The following QTMAN variants were observed in gnomAD, a reference collection of about 807,000 sequenced individuals.
QTMAN encodes tRNA-queuosine alpha-mannosyltransferase.
the QTMAN span, among the ~76,000 whole-genome samples, chr2:144,212,154 T>G: frequency 6.6e-6 from 1 of 152,158 alleles, no homozygotes; most frequent in Non-Finnish European, 1.5e-5. Flanking sequence ...TATGAAACAT[T>G]TAAACTGATC....
the QTMAN span, among the ~76,000 whole-genome samples, chr2:144,326,996 C>T: frequency 1.3e-5 from 2 of 152,156 alleles, no homozygotes; most frequent in African/African-American, 2.4e-5. Context: ...TCTTTTGCTA[C>T]GACGTGGGTG....
the QTMAN span, among the ~76,000 whole-genome samples, chr2:143,965,696 C>T: frequency 6.6e-6 from 1 of 152,198 alleles, no homozygotes; most frequent in Non-Finnish European, 1.5e-5. Context: ...AGGAGCACCA[C>T]CCCATTGCAC....
chr2:144,103,976 G>T, the QTMAN span, among the ~76,000 whole-genome samples: 1 of 152,226 alleles, frequency 6.6e-6, no homozygotes, highest in African/African-American at 2.4e-5. Context: ...TGTAATCCCA[G>T]TGACTCAGGA....
chr2:144,121,463 C>T, the QTMAN span, among the ~76,000 whole-genome samples: 1 of 152,158 alleles, frequency 6.6e-6, no homozygotes, highest in East Asian at 1.9e-4. Flanking sequence ...ACGCTGAACA[C>T]ATTCAGTATG....
chr2:144,138,420 A>G, the QTMAN span, among the ~76,000 whole-genome samples: 1,685 of 151,958 alleles, frequency 0.011, 32 homozygotes, highest in African/African-American at 0.038. Flanking sequence ...GAATAAGGAG[A>G]AAAAAAAATT....
the QTMAN span, among the ~76,000 whole-genome samples, chr2:144,100,910 C>T: frequency 5.1e-5 from 7 of 136,294 alleles, no homozygotes; most frequent in African/African-American, 1.4e-4. Context: ...TGCTCTGTCG[C>T]CCAGGCTGGA....
the QTMAN span, chr2:144,332,433 A>G: frequency 7.0e-6 from 1 of 143,000 alleles, no homozygotes. Flanking sequence ...CCCGGAGCCT[A>G]CTCACCTCCT....
chr2:144,245,654 C>T, the QTMAN span, among the ~76,000 whole-genome samples: 1 of 152,062 alleles, frequency 6.6e-6, no homozygotes, highest in Non-Finnish European at 1.5e-5. Flanking sequence ...ATCATCATTA[C>T]TATTAATCAT....
chr2:144,229,866 G>A, the QTMAN span, among the ~76,000 whole-genome samples: 5 of 152,072 alleles, frequency 3.3e-5, no homozygotes, highest in Non-Finnish European at 5.9e-5. Context: ...CACAGGTAGA[G>A]GCTTCCTCTG....
chr2:144,110,760 T>C, the QTMAN span, among the ~76,000 whole-genome samples: 1 of 150,638 alleles, frequency 6.6e-6, no homozygotes, highest in Admixed American at 6.6e-5. Context: ...TTTTAAACTC[T>C]TTGCAACTTA....
the QTMAN span, among the ~76,000 whole-genome samples, chr2:144,328,537 G>C: frequency 6.6e-6 from 1 of 152,200 alleles, no homozygotes; most frequent in Admixed American, 6.5e-5. Context: ...ACCTTTGTGA[G>C]CAATGGATGC....
chr2:144,144,111 A>G, the QTMAN span, among the ~76,000 whole-genome samples: 1 of 151,968 alleles, frequency 6.6e-6, no homozygotes, highest in Non-Finnish European at 1.5e-5. Flanking sequence ...GCAATGCTGA[A>G]AAATCATGTA....
chr2:144,220,033 C>T, the QTMAN span, among the ~76,000 whole-genome samples: 3 of 152,054 alleles, frequency 2.0e-5, no homozygotes, highest in African/African-American at 7.3e-5. Flanking sequence ...GTTTAAGACA[C>T]GTGCTGACAG....
the QTMAN span, among the ~76,000 whole-genome samples, chr2:144,197,598 T>C: frequency 4.6e-5 from 7 of 152,126 alleles, no homozygotes; most frequent in African/African-American, 1.7e-4. Flanking sequence ...TTAATTTATA[T>C]CCCAAATCCT....
chr2:144,332,776 C>T, the QTMAN span, among the ~76,000 whole-genome samples: 1 of 152,204 alleles, frequency 6.6e-6, no homozygotes, highest in African/African-American at 2.4e-5. Context: ...TCCCCACCTC[C>T]CTGTGCGCCC....
the QTMAN span, among the ~76,000 whole-genome samples, chr2:144,285,881 C>T: frequency 1.3e-5 from 2 of 152,308 alleles, no homozygotes; most frequent in African/African-American, 2.4e-5. Context: ...CCCAGTCCCT[C>T]GTGCCCTTCT....
the QTMAN span, among the ~76,000 whole-genome samples, chr2:144,262,426 T>C: frequency 6.6e-6 from 1 of 151,258 alleles, no homozygotes; most frequent in East Asian, 1.9e-4. Flanking sequence ...AAAAATAAGC[T>C]GGGGGTGATG....
At chr2:143,938,940 T>C in the QTMAN span, 1 of 152,240 alleles carries the variant, frequency 6.6e-6, no homozygotes. Flanking sequence ...TAATTAAGTT[T>C]CTGCCCTAGT....
the QTMAN span, among the ~76,000 whole-genome samples, chr2:143,976,324 G>A: frequency 1.3e-5 from 2 of 152,030 alleles, no homozygotes; most frequent in African/African-American, 4.8e-5. Context: ...ATAATAGATG[G>A]CAATAAGGAT....
Sources: allele counts gnomAD v4.1 joint callset (sites outside exome capture counted in the v4.1 genomes callset), GRCh38; gene constraint gnomAD v4.1.1; transcripts MANE v1.5; gene names NCBI Gene and HGNC (gene_info 2026-07-23, HGNC 2026-07-21).